The following UNC13C variants were observed in gnomAD, a reference collection of about 807,000 sequenced individuals.
UNC13C encodes protein unc-13 homolog C.
In UNC13C, 174 loss-of-function variants were observed where a neutral mutation model predicts 245.4. The observed-to-expected ratio is 0.71, with a 90% CI of 0.63 to 0.80. The LOEUF is 0.80. Ranked by LOEUF, UNC13C falls within the 30% of genes least tolerant of loss-of-function variation. The pLI, the probability that UNC13C is intolerant of heterozygous loss-of-function variation, is 0.00. For missense variants in UNC13C, 2,829 were observed against 2,602.9 expected, an observed-to-expected ratio of 1.09 and a Z score of -1.89; for synonymous variants, 992 against 895.1, an observed-to-expected ratio of 1.11 and a Z score of -1.93.
At chr15:54,233,487 C>T (rs903805734) in intron 4 of UNC13C, among the ~76,000 whole-genome samples, 1 of 152,174 alleles carries the variant, frequency 6.6e-6, no homozygotes, top group Non-Finnish European at 1.5e-5. Flanking sequence ...ATTTGATCCT[C>T]ACTTCCAAAT....
chr15:53,998,114 T>A (rs1894717962), intron 1 of UNC13C, among the ~76,000 whole-genome samples: 1 of 152,186 alleles, frequency 6.6e-6, no homozygotes. Context: ...AATCTTGTTC[T>A]TTTTATAGAG....
the UNC13C span, among the ~76,000 whole-genome samples, chr15:53,870,012 C>T: frequency 2.0e-5 from 3 of 152,176 alleles, no homozygotes; most frequent in South Asian, 2.1e-4. Flanking sequence ...GCAAAATCTT[C>T]GAGCCTTCCA....
chr15:54,525,985 A>C (rs1895438577), intron 25 of UNC13C, among the ~76,000 whole-genome samples: 1 of 152,160 alleles, frequency 6.6e-6, no homozygotes, highest in African/African-American at 2.4e-5. Context: ...GAAAGACTAA[A>C]GACAGGGAGG....
intron 19 of UNC13C, among the ~76,000 whole-genome samples, chr15:54,476,854 G>T (rs201105378): frequency 0.1 from 15,589 of 150,484 alleles, 1,205 homozygotes; most frequent in African/African-American, 0.22. Flanking sequence ...GAAAGTCATT[G>T]GTAGCTTGAT....
At position 54,132,074 on chromosome 15, in the gene UNC13C, C is replaced by CTTTTTTTTTCTTTTTCTTTTTCTTTTTTT. The variant is rs6145565; in HGVS notation, c.2984-10935_2984-10934insCTTTTTCTTTTTCTTTTTTTTTTTTTTTT. Among the ~76,000 whole-genome samples, 409 of 110,626 alleles carry CTTTTTTTTTCTTTTTCTTTTTCTTTTTTT rather than the reference C, an allele frequency of 3.7e-3. 18 individuals carry two copies. Among genetic ancestry groups the CTTTTTTTTTCTTTTTCTTTTTCTTTTTTT allele is most frequent in the African/African-American group, 0.012 (358 of 31,030 alleles). 72.6% of individuals were successfully genotyped at this position (110,626 alleles called of 152,430 possible). ...ATTGCAATTCAGTTTTTTTCTTTTTCTTTTTTTTTTTTGACAGCGTCTTGC... is the reference window on the plus strand; with the variant it reads ...ATTGCAATTCAGTTTTTTTCTTTTTCTTTTTTTTTCTTTTTCTTTTTCTTTTTTTTTTTTTTTTTTTGACAGCGTCTTGC... On this transcript the variant is annotated intron_variant, in intron 2 of 32. Transcript: ENST00000260323.
intron 4 of UNC13C, among the ~76,000 whole-genome samples, chr15:54,160,684 T>G (rs538722964): frequency 6.6e-6 from 1 of 152,284 alleles, no homozygotes; most frequent in Admixed American, 6.5e-5. Flanking sequence ...TTTATATGCA[T>G]AAGTAAATAA....
At chr15:54,480,982 A>G (rs1893073610) in intron 19 of UNC13C, among the ~76,000 whole-genome samples, 1 of 152,170 alleles carries the variant, frequency 6.6e-6, no homozygotes, top group Non-Finnish European at 1.5e-5. Flanking sequence ...GTAGGGTCTC[A>G]GGGTACAATG....
At chr15:54,200,475 A>G (rs1465494091) in intron 4 of UNC13C, among the ~76,000 whole-genome samples, 1 of 152,006 alleles carries the variant, frequency 6.6e-6, no homozygotes, top group Non-Finnish European at 1.5e-5. Flanking sequence ...AAATTGTGTC[A>G]AGTACTCTCT....
At chr15:54,052,768 T>C (rs1010712188) in intron 2 of UNC13C, among the ~76,000 whole-genome samples, 1 of 152,204 alleles carries the variant, frequency 6.6e-6, no homozygotes, top group African/African-American at 2.4e-5. Context: ...TGTATTTATT[T>C]AGTTAGTTAG....
At chr15:54,483,071 T>C (rs1200807998) in intron 19 of UNC13C, among the ~76,000 whole-genome samples, 1 of 152,248 alleles carries the variant, frequency 6.6e-6, no homozygotes, top group Non-Finnish European at 1.5e-5. Context: ...TTTTCTAATA[T>C]AGTGAATACT....
At chr15:54,099,275 T>G (rs1030227456) in intron 2 of UNC13C, among the ~76,000 whole-genome samples, 8 of 152,184 alleles carry the variant, frequency 5.3e-5, no homozygotes, top group African/African-American at 1.9e-4. Flanking sequence ...AATGCTCCCC[T>G]TTCTATCTTT....
Position 54,627,226 on chromosome 15 carries a change from A to G in UNC13C, c.*113A>G. 9.0e-7 allele frequency: 1 copy of G among 1,112,596 alleles called. No homozygotes were observed. Among genetic ancestry groups the G allele is most frequent in the Non-Finnish European group, 1.2e-6 (1 of 802,122 alleles). 68.9% of individuals were successfully genotyped at this position (1,112,596 alleles called of 1,614,324 possible). On this transcript the variant is annotated 3_prime_UTR_variant, in exon 33 of 33. Transcript: ENST00000260323. ...TTTCAATGTTTGCCAGTACTCATGTACGATGTCTACAAGGTATGTAAAAAA... is the reference window on the plus strand; with the variant it reads ...TTTCAATGTTTGCCAGTACTCATGTGCGATGTCTACAAGGTATGTAAAAAA...
intron 4 of UNC13C, among the ~76,000 whole-genome samples, chr15:54,193,522 G>T (rs1320305567): frequency 6.6e-6 from 1 of 151,828 alleles, no homozygotes; most frequent in Non-Finnish European, 1.5e-5. Context: ...TTCCATCTCT[G>T]TTGAGCCTCC....
intron 4 of UNC13C, among the ~76,000 whole-genome samples, chr15:54,180,450 T>C (rs1946530): frequency 0.11 from 16,170 of 152,070 alleles, 1,444 homozygotes; most frequent in African/African-American, 0.24. Context: ...TTGTGAATAG[T>C]GTGATGAACA....
intron 28 of UNC13C, among the ~76,000 whole-genome samples, chr15:54,552,654 T>TTA (rs556160158): frequency 0.023 from 1,755 of 76,254 alleles, 173 homozygotes; most frequent in African/African-American, 0.1. Context: ...AATTATATAA[T>TTA]TATATTATAT....
chr15:54,343,038 C>T (rs1484866991), intron 17 of UNC13C, among the ~76,000 whole-genome samples: 5 of 152,088 alleles, frequency 3.3e-5, no homozygotes, highest in African/African-American at 1.2e-4. Context: ...TCCCATAGGG[C>T]TCTTTCAATT....
intron 19 of UNC13C, among the ~76,000 whole-genome samples, chr15:54,478,132 A>G (rs1225871659): frequency 6.6e-6 from 1 of 151,074 alleles, no homozygotes; most frequent in Non-Finnish European, 1.5e-5. Context: ...GGTAGTTTGT[A>G]TTTCTGTGGG....
At position 54,013,676 on chromosome 15, in the gene UNC13C, C is replaced by T. The variant is rs769869338; in HGVS notation, c.773C>T (p.Thr258Ile). ...CTTCAGGGAATAAGTCAGATTGAAA[C>T]AGAACTTTCTGAACTACGAGGGCAC... ...KELQGISQIE[T>I]ELSELRGHVN... The change falls in exon 2 of 33, where the codon ACA becomes ATA. Residue 258 changes from threonine (T) to isoleucine (I), a missense_variant. Coordinates refer to ENST00000260323, the MANE Select transcript of UNC13C (RefSeq NM_001080534.3). The T allele has an allele frequency of 3.1e-6, 5 of 1,613,752 alleles. No individual in the cohort carries two copies. The highest frequency in any genetic ancestry group is 4.2e-6 in the Non-Finnish European group (5 of 1,179,824).
the UNC13C span, among the ~76,000 whole-genome samples, chr15:53,935,909 A>C: frequency 1.3e-5 from 2 of 152,182 alleles, no homozygotes; most frequent in African/African-American, 4.8e-5. Context: ...TGGCCACTCC[A>C]GCACGCACAG....
Sources: allele counts gnomAD v4.1 joint callset (sites outside exome capture counted in the v4.1 genomes callset), GRCh38; gene constraint gnomAD v4.1.1; transcripts MANE v1.5; gene names NCBI Gene and HGNC (gene_info 2026-07-23, HGNC 2026-07-21).